Variants in SPIDR observed in about 807,000 individuals in gnomAD.
SPIDR encodes the protein scaffold protein involved in DNA repair.
Under a neutral mutation model 104.6 loss-of-function variants are expected in SPIDR, and 93 were observed. The ratio of observed to expected loss-of-function variants is 0.89; its 90% confidence interval spans 0.75 to 1.06. The LOEUF (loss-of-function observed/expected upper bound fraction) is 1.06, where lower values mean the gene tolerates loss of function less well. SPIDR is among the 50% of genes least tolerant of loss of function. SPIDR has a pLI of 0.00. For missense variants in SPIDR, 1,154 were observed against 1,111.2 expected, an observed-to-expected ratio of 1.04 and a Z score of -0.55; for synonymous variants, 431 against 416.9, an observed-to-expected ratio of 1.03 and a Z score of -0.41.
At chr8:47,468,040 C>T (rs79772390) in intron 8 of SPIDR, among the ~76,000 whole-genome samples, 13 of 152,264 alleles carry the variant, frequency 8.5e-5, no homozygotes, top group African/African-American at 3.1e-4. Context: ...GCGCAAAATT[C>T]ACTAGCATTT....
chr8:47,624,930 A>G (rs1336704491), intron 10 of SPIDR, among the ~76,000 whole-genome samples: 5 of 152,132 alleles, frequency 3.3e-5, no homozygotes, highest in African/African-American at 1.2e-4. Context: ...CAGAGACACA[A>G]CCAAAAAAGA....
intron 8 of SPIDR, among the ~76,000 whole-genome samples, chr8:47,468,793 T>C (rs782499706): frequency 1.1e-4 from 17 of 152,152 alleles, no homozygotes; most frequent in Admixed American, 1.1e-3. Context: ...GATTTCATTA[T>C]GAAGACACCA....
intron 7 of SPIDR, among the ~76,000 whole-genome samples, chr8:47,413,942 A>G (rs2063872184): frequency 6.6e-6 from 1 of 152,218 alleles, no homozygotes; most frequent in South Asian, 2.1e-4. Flanking sequence ...GGCTGGAGAA[A>G]GTTAGGCTTA....
intron 10 of SPIDR, among the ~76,000 whole-genome samples, chr8:47,610,987 G>A (rs1406025467): frequency 6.6e-6 from 1 of 152,164 alleles, no homozygotes; most frequent in Non-Finnish European, 1.5e-5. Context: ...AGTCCTCAGA[G>A]GTCAGGGGCT....
intron 8 of SPIDR, among the ~76,000 whole-genome samples, chr8:47,555,564 A>T (rs1214406777): frequency 6.6e-6 from 1 of 152,226 alleles, no homozygotes; most frequent in Non-Finnish European, 1.5e-5. Flanking sequence ...TATAGTGTTA[A>T]CAGCTGAAGT....
At chr8:47,299,919 G>T (rs1458155833) in intron 5 of SPIDR, among the ~76,000 whole-genome samples, 21 of 152,080 alleles carry the variant, frequency 1.4e-4, no homozygotes, top group African/African-American at 2.7e-4. Context: ...TCTCTTTTTT[G>T]GTTGTGTCTC....
chr8:47,297,609 TC>T (rs2041123273), intron 5 of SPIDR, among the ~76,000 whole-genome samples: 1 of 147,708 alleles, frequency 6.8e-6, no homozygotes, highest in African/African-American at 2.5e-5. Context: ...CCTCCCCACC[TC>T]CCCCACCCCA....
intron 6 of SPIDR, among the ~76,000 whole-genome samples, chr8:47,401,686 T>A (rs1554662998): frequency 1.3e-5 from 2 of 152,198 alleles, no homozygotes; most frequent in African/African-American, 4.8e-5. Flanking sequence ...TTGCAATCCT[T>A]GTCTCTGATA....
intron 7 of SPIDR, among the ~76,000 whole-genome samples, chr8:47,408,264 ATTTTG>A (rs1414897124): frequency 1.3e-5 from 2 of 152,040 alleles, no homozygotes; most frequent in African/African-American, 4.8e-5. Flanking sequence ...AGCAAAATTT[ATTTTG>A]TTTTATTTCA....
At chr8:47,466,916 G>T (rs59069131) in intron 8 of SPIDR, among the ~76,000 whole-genome samples, 73,387 of 108,402 alleles carry the variant, frequency 0.68, 24,001 homozygotes, top group Admixed American at 0.76. Flanking sequence ...TATATATATA[G>T]ATAGATAGAT....
At chr8:47,637,132 C>G (rs749555024) in intron 10 of SPIDR, among the ~76,000 whole-genome samples, 10 of 152,136 alleles carry the variant, frequency 6.6e-5, no homozygotes, top group Non-Finnish European at 1.3e-4. Flanking sequence ...CTAGTGTTAC[C>G]TAATTATGCT....
At chr8:47,489,385 C>T (rs192787359) in intron 8 of SPIDR, among the ~76,000 whole-genome samples, 2 of 152,276 alleles carry the variant, frequency 1.3e-5, no homozygotes, top group East Asian at 3.9e-4. Flanking sequence ...ATTCCATCCT[C>T]GTGGATAGGA....
intron 8 of SPIDR, among the ~76,000 whole-genome samples, chr8:47,478,973 G>C (rs2076578748): frequency 6.6e-6 from 1 of 152,076 alleles, no homozygotes; most frequent in Non-Finnish European, 1.5e-5. Flanking sequence ...ATTTGCTTTT[G>C]AGTTGTTTTT....
intron 8 of SPIDR, among the ~76,000 whole-genome samples, chr8:47,563,360 A>T (rs1430150109): frequency 2.0e-5 from 3 of 151,590 alleles, no homozygotes; most frequent in Non-Finnish European, 4.4e-5. Context: ...TTTAGTAGAG[A>T]TGGGGTCTCC....
Position 47,370,088 on chromosome 8 carries a change from G to A in SPIDR, c.526-26288G>A, listed in dbSNP as rs115771487. ...AGGACCTGGCTTCATGATTGTCTCC[G>A]AAAAAGATGGTCTTGTAGGCACAAC... On this transcript the variant is annotated intron_variant, in intron 5 of 19. Transcript: ENST00000297423. Among the ~76,000 whole-genome samples the A allele has an allele frequency of 7.0e-3, 1,066 of 151,430 alleles. 10 individuals are homozygous for A. Among genetic ancestry groups the A allele is most frequent in the African/African-American group, 0.016 (679 of 41,182 alleles).
intron 7 of SPIDR, among the ~76,000 whole-genome samples, chr8:47,416,942 A>G (rs1413725637): frequency 6.6e-6 from 1 of 152,302 alleles, no homozygotes; most frequent in East Asian, 1.9e-4. Flanking sequence ...ATGTCCCTAC[A>G]AAGGACATGA....
intron 10 of SPIDR, among the ~76,000 whole-genome samples, chr8:47,654,321 G>GA (rs374638903): frequency 5.2e-4 from 79 of 152,344 alleles, no homozygotes; most frequent in African/African-American, 1.7e-3. Flanking sequence ...TGACAATGGG[G>GA]ATGAGGAGGA....
intron 8 of SPIDR, among the ~76,000 whole-genome samples, chr8:47,543,860 T>C (rs545484270): frequency 5.5e-4 from 84 of 152,280 alleles, no homozygotes; most frequent in South Asian, 1.0e-3. Context: ...ACATCAAAAC[T>C]TCAAAGAGGG....
chr8:47,664,743 C>CA (rs771963348), intron 10 of SPIDR, among the ~76,000 whole-genome samples: 35,025 of 64,102 alleles, frequency 0.55, 8,842 homozygotes, highest in Non-Finnish European at 0.64. Flanking sequence ...CCCATCTCTA[C>CA]AAAAAAAAAA....
Sources: gnomAD v4.1 joint callset for allele counts (sites outside exome capture counted in the v4.1 genomes callset) on GRCh38, gnomAD v4.1.1 for gene constraint, MANE v1.5 for transcripts, NCBI Gene and HGNC (gene_info 2026-07-23, HGNC 2026-07-21) for gene names.